Variants in NXPE4 observed in about 807,000 individuals in gnomAD.
NXPE4 encodes neurexophilin and PC-esterase domain family member 4.
Under a neutral mutation model 33.3 loss-of-function variants are expected in NXPE4, and 42 were observed. That is an observed-to-expected ratio of 1.26 (90% CI 0.98 to 1.63). NXPE4 has a LOEUF of 1.63. Ranked by LOEUF, NXPE4 falls within the 40% of genes most tolerant of loss-of-function variation. The probability of loss-of-function intolerance (pLI) is 0.00; values close to 1 mark genes in which losing one functional copy is unlikely to be tolerated. For synonymous variants in NXPE4, 253 were observed against 234.9 expected (o/e 1.08, Z -0.71); for missense variants, 709 against 647.6 (o/e 1.09, Z -1.03).
the NXPE4 span, among the ~76,000 whole-genome samples, chr11:114,638,508 G>A: frequency 6.6e-6 from 1 of 152,018 alleles, no homozygotes; most frequent in African/African-American, 2.4e-5. Flanking sequence ...TTGCTGGTGA[G>A]GAACTGTGTT....
the NXPE4 span, among the ~76,000 whole-genome samples, chr11:114,653,088 A>T: frequency 6.6e-6 from 1 of 152,238 alleles, no homozygotes; most frequent in East Asian, 1.9e-4. Flanking sequence ...CATTGAATGT[A>T]TAAATTTTCA....
the NXPE4 span, among the ~76,000 whole-genome samples, chr11:114,632,668 A>T: frequency 4.1e-4 from 24 of 59,218 alleles, no homozygotes; most frequent in South Asian, 5.1e-4. Context: ...AATATATAGT[A>T]TATATATTTA....
chr11:114,675,635 G>A, the NXPE4 span, among the ~76,000 whole-genome samples: 1 of 151,806 alleles, frequency 6.6e-6, no homozygotes, highest in African/African-American at 2.4e-5. Flanking sequence ...CTGTGTTCAT[G>A]GATTAGAAAA....
At chr11:114,581,575 C>T (rs1442292332) in intron 4 of NXPE4, 150 bp downstream of exon 4, 5 of 657,632 alleles carry the variant, frequency 7.6e-6, no homozygotes, top group African/African-American at 5.6e-5. Context: ...TATTCACTCA[C>T]CTAGGTAACT....
the NXPE4 span, among the ~76,000 whole-genome samples, chr11:114,639,269 G>T: frequency 2.0e-5 from 3 of 152,086 alleles, no homozygotes; most frequent in African/African-American, 7.2e-5. Context: ...GACCCTCCGA[G>T]CCAGGTGCAG....
intron 2 of NXPE4, among the ~76,000 whole-genome samples, chr11:114,588,955 A>C (rs1949376088): frequency 6.6e-6 from 1 of 152,128 alleles, no homozygotes; most frequent in Non-Finnish European, 1.5e-5. Flanking sequence ...GAGGGTGGCC[A>C]CCTTAGTCTT....
At chr11:114,623,358 G>C in the NXPE4 span, among the ~76,000 whole-genome samples, 1 of 151,960 alleles carries the variant, frequency 6.6e-6, no homozygotes, top group African/African-American at 2.4e-5. Flanking sequence ...TCGCCTGTAG[G>C]GTAACCACTT....
chr11:114,603,033 G>A, the NXPE4 span, among the ~76,000 whole-genome samples: 67 of 150,162 alleles, frequency 4.5e-4, no homozygotes, highest in South Asian at 8.4e-4. Context: ...TATATAATAC[G>A]GAACCGTATA....
At chr11:114,641,661 A>G in the NXPE4 span, among the ~76,000 whole-genome samples, 1 of 152,100 alleles carries the variant, frequency 6.6e-6, no homozygotes, top group African/African-American at 2.4e-5. Flanking sequence ...AATGGAAAAG[A>G]TACTAATAGG....
At chr11:114,660,384 T>C in the NXPE4 span, among the ~76,000 whole-genome samples, 1 of 152,016 alleles carries the variant, frequency 6.6e-6, no homozygotes, top group South Asian at 2.1e-4. Context: ...AAATTAAATT[T>C]AGCAATTTAT....
chr11:114,595,431 G>T (rs1256752583), intron 1 of NXPE4, among the ~76,000 whole-genome samples, 161 bp downstream of exon 1: 1 of 152,002 alleles, frequency 6.6e-6, no homozygotes, highest in East Asian at 1.9e-4. Context: ...TTGCTTGAAT[G>T]CTGCCTTTCT....
the NXPE4 span, among the ~76,000 whole-genome samples, chr11:114,632,193 C>A: frequency 7.2e-6 from 1 of 138,602 alleles, no homozygotes. Context: ...AATAAATGAT[C>A]ATATATACAT....
the NXPE4 span, among the ~76,000 whole-genome samples, chr11:114,674,636 T>A: frequency 6.6e-5 from 10 of 151,194 alleles, no homozygotes; most frequent in East Asian, 1.9e-3. Context: ...ACAAAGTAAC[T>A]ACAAAGCAGT....
the NXPE4 span, among the ~76,000 whole-genome samples, chr11:114,674,772 A>T: frequency 1.3e-5 from 2 of 151,874 alleles, no homozygotes; most frequent in African/African-American, 2.4e-5. Context: ...AAACAATTGA[A>T]GTAAAGGGAA....
At chr11:114,604,933 C>T in the NXPE4 span, among the ~76,000 whole-genome samples, 1 of 152,072 alleles carries the variant, frequency 6.6e-6, no homozygotes, top group African/African-American at 2.4e-5. Context: ...CTAGGGTACC[C>T]ACTGTTACCT....
the NXPE4 span, among the ~76,000 whole-genome samples, chr11:114,630,122 G>C: frequency 2.0e-5 from 3 of 151,416 alleles, no homozygotes; most frequent in Admixed American, 6.6e-5. Context: ...ATTCAATGCT[G>C]TACCCATCAA....
Position 114,580,336 on chromosome 11 carries a change from C to T in NXPE4, c.895G>A (p.Glu299Lys). 1.2e-6 allele frequency: 2 copies of T among 1,613,656 alleles called. No homozygotes were observed. The highest frequency in any genetic ancestry group is 1.7e-6 in the Non-Finnish European group (2 of 1,179,728). ...NTISVSKCNK[E>K]TVAMKEKCKF... ...CATTTCTCTTTCATTGCAACTGTTT[C>T]TTCTGCCAAAGAATCAATGAGATAG... Residue 299 changes from glutamate to lysine, a missense_variant and splice_region_variant, in exon 5 of 6, where the codon GAA (glutamate) becomes AAA (lysine). Physicochemically the swap from Glu to Lys is moderately conservative, Grantham distance 56. Transcript: ENST00000375478.
chr11:114,622,821 T>A, the NXPE4 span, among the ~76,000 whole-genome samples: 1 of 152,118 alleles, frequency 6.6e-6, no homozygotes, highest in Non-Finnish European at 1.5e-5. Flanking sequence ...GGGTTACCAC[T>A]CTTACCCAGT....
the NXPE4 span, among the ~76,000 whole-genome samples, chr11:114,637,915 C>G: frequency 6.6e-6 from 1 of 151,936 alleles, no homozygotes; most frequent in African/African-American, 2.4e-5. Context: ...TTCCTTTCAA[C>G]TTTGGTGAAT....
Sources: allele counts gnomAD v4.1 joint callset (sites outside exome capture counted in the v4.1 genomes callset), GRCh38; gene constraint gnomAD v4.1.1; transcripts MANE v1.5; gene names NCBI Gene and HGNC (gene_info 2026-07-23, HGNC 2026-07-21).